The following SYNPO2 variants were observed in gnomAD, a reference collection of about 807,000 sequenced individuals.
SYNPO2 encodes synaptopodin-2.
SYNPO2 carries 56 observed loss-of-function variants against 85.0 expected under a neutral mutation model. The ratio of observed to expected loss-of-function variants is 0.66; its 90% confidence interval spans 0.53 to 0.82. The LOEUF is 0.82. Among genes scored for constraint, SYNPO2 ranks in the 40% least tolerant of loss-of-function variants. The pLI is 0.00. For synonymous variants in SYNPO2, 602 were observed against 591.1 expected, an observed-to-expected ratio of 1.02 and a Z score of -0.27; for missense variants, 1,575 against 1,534.2, an observed-to-expected ratio of 1.03 and a Z score of -0.44.
chr4:118,882,596 GCT>G (rs376935529), intron 1 of SYNPO2, among the ~76,000 whole-genome samples: 2 of 151,370 alleles, frequency 1.3e-5, no homozygotes, highest in African/African-American at 2.4e-5. Flanking sequence ...TAAAATATGT[GCT>G]CTCTCTCTCT....
chr4:119,004,854 G>C (rs1736969106), intron 1 of SYNPO2, among the ~76,000 whole-genome samples: 1 of 151,972 alleles, frequency 6.6e-6, no homozygotes, highest in African/African-American at 2.4e-5. Context: ...CAGTGTAAAA[G>C]TGTTCCTATT....
At chr4:119,049,701 G>A (rs1738976011) in intron 4 of SYNPO2, among the ~76,000 whole-genome samples, 1 of 152,194 alleles carries the variant, frequency 6.6e-6, no homozygotes. Flanking sequence ...TAACAAGGAA[G>A]CTAACTAAGC....
chr4:119,032,929 T>TGTGCC, intron 4 of SYNPO2: 1 of 905,322 alleles, frequency 1.1e-6, no homozygotes, highest in Non-Finnish European at 1.3e-6. Context: ...AAAGGTTGAT[T>TGTGCC]CCCACCCTCC....
chr4:118,900,712 T>C (rs1159842043), intron 1 of SYNPO2, among the ~76,000 whole-genome samples: 4 of 68,896 alleles, frequency 5.8e-5, no homozygotes, highest in Non-Finnish European at 1.3e-4. Context: ...TCTATATATA[T>C]ATATATATAT....
chr4:119,037,576 G>T, intron 4 of SYNPO2: 1 of 989,036 alleles, frequency 1.0e-6, no homozygotes, highest in Non-Finnish European at 1.2e-6. Flanking sequence ...GTTCAAGTCA[G>T]GATGACATGA....
chr4:118,943,713 A>G (rs1316871032), intron 1 of SYNPO2, among the ~76,000 whole-genome samples: 1 of 152,218 alleles, frequency 6.6e-6, no homozygotes, highest in Non-Finnish European at 1.5e-5. Flanking sequence ...TGAATAAGGA[A>G]AGTCATCCAT....
rs187222124 is a variant in SYNPO2, at chr4:118,996,622, C to T, written c.106-26808C>T. On this transcript the variant is annotated intron_variant, in intron 1 of 4. Coordinates refer to ENST00000307142, the MANE Select transcript of SYNPO2 (RefSeq NM_133477.3). ...CCCGTAATCCCAGCACTTTGGGAGG[C>T]CAGTGGGGGTGGATCATGAGGTCAG... Among the ~76,000 whole-genome samples, 17 of 152,110 alleles carry T rather than the reference C, an allele frequency of 1.1e-4. No homozygotes were observed. In the East Asian group the frequency reaches 2.7e-3, roughly 24 times the overall value.
At chr4:118,910,842 T>A (rs535575393) in intron 1 of SYNPO2, among the ~76,000 whole-genome samples, 1 of 152,180 alleles carries the variant, frequency 6.6e-6, no homozygotes, top group Non-Finnish European at 1.5e-5. Flanking sequence ...TTACTTTTTT[T>A]TGAGAATCAT....
At chr4:118,855,972 G>A (rs191786766) in intron 1 of SYNPO2, among the ~76,000 whole-genome samples, 24 of 152,118 alleles carry the variant, frequency 1.6e-4, no homozygotes, top group African/African-American at 5.1e-4. Flanking sequence ...TCTTGGCAGT[G>A]TTTCATAAGC....
rs930689479 is a variant in SYNPO2 at position 118,969,044 on chromosome 4, C to A, written c.106-54386C>A. Among the ~76,000 whole-genome samples, 3 of 152,136 alleles carry A rather than the reference C, an allele frequency of 2.0e-5. No individual in the cohort carries two copies. In the East Asian group the frequency reaches 5.8e-4, roughly 29 times the overall value. On this transcript the variant is annotated intron_variant, in intron 1 of 4. Coordinates refer to ENST00000307142, the MANE Select transcript of SYNPO2 (RefSeq NM_133477.3). Reference sequence around the variant, plus strand: ...TTAGCCTCTATGTAGTTGAGCAAGTCCAGGAGTCTTTCCAGGTCAGTTAAA... The same window carrying A: ...TTAGCCTCTATGTAGTTGAGCAAGTACAGGAGTCTTTCCAGGTCAGTTAAA...
intron 1 of SYNPO2, among the ~76,000 whole-genome samples, chr4:118,925,230 C>G (rs946427025): frequency 6.6e-6 from 1 of 152,120 alleles, no homozygotes; most frequent in Non-Finnish European, 1.5e-5. Flanking sequence ...GCACATATCC[C>G]TAACATAAGA....
chr4:118,854,936 A>C (rs1254697085), intron 1 of SYNPO2, among the ~76,000 whole-genome samples: 1 of 152,144 alleles, frequency 6.6e-6, no homozygotes, highest in Non-Finnish European at 1.5e-5. Flanking sequence ...AAAATGCTTG[A>C]GCCCTTAACA....
At chr4:118,906,798 C>A (rs539935698) in intron 1 of SYNPO2, among the ~76,000 whole-genome samples, 17 of 151,736 alleles carry the variant, frequency 1.1e-4, no homozygotes, top group Non-Finnish European at 2.4e-4. Flanking sequence ...CAGCCTTTTC[C>A]AATGCAGCTC....
chr4:119,011,919 A>ATTT (rs1737316510), intron 1 of SYNPO2, among the ~76,000 whole-genome samples: 1 of 107,336 alleles, frequency 9.3e-6, no homozygotes, highest in Non-Finnish European at 1.9e-5. Flanking sequence ...CTTTCTATAG[A>ATTT]CTTTTTTTTT....
intron 1 of SYNPO2, among the ~76,000 whole-genome samples, chr4:118,904,750 G>A (rs1454353894): frequency 6.6e-6 from 1 of 152,118 alleles, no homozygotes; most frequent in Non-Finnish European, 1.5e-5. Context: ...TTTTCAAACA[G>A]TGGTGAGTTA....
intron 3 of SYNPO2, 29 bp from the exon 4 acceptor site, chr4:119,029,816 T>TA: frequency 2.8e-6 from 4 of 1,445,352 alleles, no homozygotes; most frequent in Non-Finnish European, 3.6e-6. Context: ...ATCAGCTCAA[T>TA]ATAATTTTTT....
At chr4:118,945,956 G>T (rs193283368) in intron 1 of SYNPO2, among the ~76,000 whole-genome samples, 1 of 152,208 alleles carries the variant, frequency 6.6e-6, no homozygotes, top group South Asian at 2.1e-4. Context: ...ATGTTGGCCA[G>T]GATGGTCTCG....
At chr4:118,986,729 T>C (rs757874922) in intron 1 of SYNPO2, among the ~76,000 whole-genome samples, 6 of 152,220 alleles carry the variant, frequency 3.9e-5, no homozygotes, top group Non-Finnish European at 7.3e-5. Context: ...GGATTTTAGC[T>C]AATAATTTTA....
At chr4:119,010,136 C>G (rs1560976047) in intron 1 of SYNPO2, among the ~76,000 whole-genome samples, 1 of 152,184 alleles carries the variant, frequency 6.6e-6, no homozygotes, top group African/African-American at 2.4e-5. Context: ...TAAGCATTGA[C>G]TGAGTGTTTA....
Sources: gnomAD v4.1 joint callset for allele counts (sites outside exome capture counted in the v4.1 genomes callset) on GRCh38, gnomAD v4.1.1 for gene constraint, MANE v1.5 for transcripts, NCBI Gene and HGNC (gene_info 2026-07-23, HGNC 2026-07-21) for gene names.